Variants in UGT1A9 observed in about 807,000 individuals in gnomAD.
The protein encoded by UGT1A9 is UDP glucuronosyltransferase family 1 member A9, also known as UDP-glucuronosyltransferase 1A9.
A neutral mutation model predicts 45.0 loss-of-function variants in UGT1A9; 35 were observed. The ratio of observed to expected loss-of-function variants is 0.78; its 90% confidence interval spans 0.59 to 1.03. UGT1A9 has a LOEUF of 1.03. Ranked by LOEUF, UGT1A9 falls within the 50% of genes least tolerant of loss-of-function variation. The probability of loss-of-function intolerance (pLI) is 0.00; values close to 1 mark genes in which losing one functional copy is unlikely to be tolerated. For synonymous variants in UGT1A9, 278 were observed against 250.6 expected (o/e 1.11, Z -1.03); for missense variants, 687 against 666.6 (o/e 1.03, Z -0.34).
At chr2:233,730,331 T>C (rs1430644008) in intron 1 of UGT1A9, among the ~76,000 whole-genome samples, 1 of 152,142 alleles carries the variant, frequency 6.6e-6, no homozygotes, top group African/African-American at 2.4e-5. Flanking sequence ...GACACTACGT[T>C]TGGAACTGAT....
At chr2:233,709,533 T>C (rs2076081287) in intron 1 of UGT1A9, among the ~76,000 whole-genome samples, 1 of 152,184 alleles carries the variant, frequency 6.6e-6, no homozygotes, top group African/African-American at 2.4e-5. Flanking sequence ...TTTTTCCTAC[T>C]GTGATATATG....
intron 1 of UGT1A9, among the ~76,000 whole-genome samples, chr2:233,759,051 G>A (rs1697047727): frequency 6.6e-6 from 1 of 152,170 alleles, no homozygotes; most frequent in Non-Finnish European, 1.5e-5. Context: ...GTGAACAAAA[G>A]TTCTCTGAAA....
At chr2:233,684,806 C>T (rs1318137927) in intron 1 of UGT1A9, among the ~76,000 whole-genome samples, 1 of 152,164 alleles carries the variant, frequency 6.6e-6, no homozygotes, top group African/African-American at 2.4e-5. Context: ...TATGGCTCAA[C>T]CACAAAAGTA....
At position 233,769,843 on chromosome 2, in the gene UGT1A9, G is replaced by T; in HGVS notation, c.1295+1404G>T. On this transcript the variant is annotated intron_variant, in intron 4 of 4. Transcript: ENST00000354728. The surrounding 1 kb of genome is among the most constrained non-coding windows in gnomAD (Gnocchi z 4.4). ...GCACTCCAGCAACCTGGGCAACAGA[G>T]TGAGACCCTGTCTCAAAAAAAAAAA... 9 of 506,258 alleles carry T rather than the reference G, an allele frequency of 1.8e-5. No individual in the cohort carries two copies. The highest frequency in any genetic ancestry group is 4.7e-5 in the South Asian group (1 of 21,142). The allele number at this position is 506,258 out of a possible 1,614,324, so 31.4% of individuals were successfully genotyped here.
chr2:233,706,281 G>A (rs539099269), intron 1 of UGT1A9, among the ~76,000 whole-genome samples: 2 of 152,046 alleles, frequency 1.3e-5, no homozygotes, highest in Admixed American at 1.3e-4. Flanking sequence ...CTCAGGGGTG[G>A]GGCCCAGTGC....
At chr2:233,761,816 G>C (rs374860940) in intron 1 of UGT1A9, among the ~76,000 whole-genome samples, 3 of 152,178 alleles carry the variant, frequency 2.0e-5, no homozygotes, top group Admixed American at 6.5e-5. Flanking sequence ...AACAGGAGAG[G>C]CTCCTTCAGA....
intron 1 of UGT1A9, among the ~76,000 whole-genome samples, chr2:233,753,860 A>G (rs1273913066): frequency 1.3e-5 from 2 of 152,194 alleles, no homozygotes; most frequent in Non-Finnish European, 2.9e-5. Flanking sequence ...CCAACCACAT[A>G]ACCCCAAGGT....
At chr2:233,767,273 T>C (rs772040465) in intron 2 of UGT1A9, 108 bp downstream of exon 2, 1 of 1,581,726 alleles carries the variant, frequency 6.3e-7, no homozygotes, top group Non-Finnish European at 8.5e-7. Context: ...GATTTGGCTT[T>C]TCCCTGCCAC....
intron 1 of UGT1A9, chr2:233,748,159 A>T: frequency 6.3e-7 from 1 of 1,599,046 alleles, no homozygotes; most frequent in Non-Finnish European, 8.5e-7. Flanking sequence ...AATTGCTTCC[A>T]TATCTACTTA....
chr2:233,728,564 A>T (rs2077727018), intron 1 of UGT1A9, among the ~76,000 whole-genome samples: 1 of 152,200 alleles, frequency 6.6e-6, no homozygotes, highest in Non-Finnish European at 1.5e-5. Flanking sequence ...TACAAGAAAT[A>T]TCCTGGTGCG....
intron 1 of UGT1A9, among the ~76,000 whole-genome samples, chr2:233,720,605 A>C (rs1246290812): frequency 6.6e-6 from 1 of 152,152 alleles, no homozygotes; most frequent in Non-Finnish European, 1.5e-5. Context: ...TTTCATTAAT[A>C]CAGAATATTT....
At position 233,760,169 on chromosome 2, in the gene UGT1A9, T is replaced by C. The variant is rs928164877; in HGVS notation, c.856-6865T>C. 1.4e-5 allele frequency: 21 copies of C among 1,529,168 alleles called. No homozygotes were observed. In the African/African-American group the frequency reaches 2.9e-4, roughly 21 times the overall value. 94.7% of individuals were successfully genotyped at this position (1,529,168 alleles called of 1,614,324 possible). A position where few individuals can be genotyped will look rare whatever the true frequency, so the allele number is the denominator to read the frequency against. On this transcript the variant is annotated intron_variant, in intron 1 of 4. Coordinates refer to ENST00000354728, the MANE Select transcript of UGT1A9 (RefSeq NM_021027.3). ...TGAACTCCCTGCTACCTTTGTGGACTGACAGCTTTTTATAGTCACGTGACA... is the reference window on the plus strand; with the variant it reads ...TGAACTCCCTGCTACCTTTGTGGACCGACAGCTTTTTATAGTCACGTGACA...
At chr2:233,685,229 C>T (rs975059697) in intron 1 of UGT1A9, among the ~76,000 whole-genome samples, 45 of 152,106 alleles carry the variant, frequency 3.0e-4, no homozygotes, top group Admixed American at 5.9e-4. Context: ...GACGGGGTTT[C>T]ACCATGTTGG....
In UGT1A9 at chr2:233,769,727, C is replaced by T. The variant is rs565012601; in HGVS notation, c.1295+1288C>T. The stretch of plus-strand genomic sequence containing the variant: ...AATGTTGGCTAGGCACCATGGCACA[C>T]GCCTGTAGTCCCAGCCACTCTGGAG... On this transcript the variant is annotated intron_variant, in intron 4 of 4. Transcript: ENST00000354728. This position sits in a 1 kb window ranked among gnomAD's most constrained non-coding sequence, Gnocchi z 4.4. 4.8e-4 allele frequency: 703 copies of T among 1,471,542 alleles called. 1 individual carries two copies. Among genetic ancestry groups the T allele is most frequent in the Non-Finnish European group, 5.6e-4 (625 of 1,109,932 alleles). The allele number at this position is 1,471,542 out of a possible 1,614,324, so 91.2% of individuals were successfully genotyped here. A position where few individuals can be genotyped will look rare whatever the true frequency, so the allele number is the denominator to read the frequency against.
At position 233,765,498 on chromosome 2, in the gene UGT1A9, A is replaced by T. The variant is rs145381988; in HGVS notation, c.856-1536A>T. Among the ~76,000 whole-genome samples the T allele has an allele frequency of 4.4e-3, 672 of 152,238 alleles. 2 individuals carry two copies. Among genetic ancestry groups the T allele is most frequent in the African/African-American group, 0.015 (643 of 41,546 alleles). On this transcript the variant is annotated intron_variant, in intron 1 of 4. Coordinates refer to ENST00000354728, the MANE Select transcript of UGT1A9 (RefSeq NM_021027.3). ...GGAAGCCATCATCCTCCACAAACTAACACAGGAACAGAAAATCAAACACCG... is the reference window on the plus strand; with the variant it reads ...GGAAGCCATCATCCTCCACAAACTATCACAGGAACAGAAAATCAAACACCG...
chr2:233,759,599 A>ACCCCCCCCCCCC (rs1553620419), intron 1 of UGT1A9, among the ~76,000 whole-genome samples: 28 of 108,656 alleles, frequency 2.6e-4, no homozygotes, highest in African/African-American at 6.5e-4. Context: ...CCCACCCCCG[A>ACCCCCCCCCCCC]CCCGCCCCAC....
chr2:233,772,356 A>C lies in UGT1A9; in HGVS notation c.1390A>C (p.Arg464=), dbSNP rs1468738748. 6.2e-7 allele frequency: 1 copy of C among 1,614,222 alleles called. No homozygotes were observed. Among genetic ancestry groups the C allele is most frequent in the Non-Finnish European group, 8.5e-7 (1 of 1,180,034 alleles). The change falls in exon 5 of 5, where the codon AGG becomes CGG. Residue 464 remains arginine, a synonymous_variant. Transcript: ENST00000354728. ...LAVFWVEFVM[R]HKGAPHLRPA... is the part of the protein sequence containing the mutation. ...CGTGTTCTGGGTGGAGTTTGTGATGAGGCACAAGGGCGCGCCACACCTGCG... is the reference window on the plus strand; with the variant it reads ...CGTGTTCTGGGTGGAGTTTGTGATGCGGCACAAGGGCGCGCCACACCTGCG...
intron 1 of UGT1A9, among the ~76,000 whole-genome samples, chr2:233,717,603 G>T (rs1270322489): frequency 2.0e-5 from 3 of 152,300 alleles, no homozygotes; most frequent in East Asian, 3.9e-4. Context: ...ATGGAAAGTG[G>T]GCACAGCCCA....
intron 1 of UGT1A9, among the ~76,000 whole-genome samples, chr2:233,697,447 T>A (rs2075391159): frequency 6.6e-6 from 1 of 151,962 alleles, no homozygotes; most frequent in Admixed American, 6.5e-5. Context: ...TCTGATTTTA[T>A]CTGAGTGTTT....
Sources: gnomAD v4.1 joint callset for allele counts (sites outside exome capture counted in the v4.1 genomes callset) on GRCh38, gnomAD v4.1.1 for gene constraint, Gnocchi (gnomAD v3.1) non-coding constraint, MANE v1.5 for transcripts, NCBI Gene and HGNC (gene_info 2026-07-23, HGNC 2026-07-21) for gene names.